MVK: variants seen among roughly 807,000 people sequenced by gnomAD.
The protein encoded by MVK is mevalonate kinase, also known as LH receptor mRNA-binding protein.
Under a neutral mutation model 43.2 loss-of-function variants are expected in MVK, and 34 were observed. The observed-to-expected ratio is 0.79, with a 90% CI of 0.60 to 1.05. The LOEUF is 1.05. MVK is among the 50% of genes least tolerant of loss of function. MVK has a pLI of 0.00. For missense variants in MVK, 395 were observed against 504.0 expected, an observed-to-expected ratio of 0.78 and a Z score of 2.07; for synonymous variants, 190 against 219.8, an observed-to-expected ratio of 0.86 and a Z score of 1.20.
rs146379014 is a variant in MVK at position 109,596,948 on chromosome 12, G to A, written c.*371G>A. On this transcript the variant is annotated 3_prime_UTR_variant, in exon 11 of 11. Coordinates refer to ENST00000228510, the MANE Select transcript of MVK (RefSeq NM_000431.4). ...GCTCAGGTGCTGGGGCCTGGTTCCC[G>A]GAGAAGTGTGCCTTCTCTCTCCCTT... 9.8e-5 allele frequency: 33 copies of A among 338,032 alleles called. No homozygotes were observed. Among genetic ancestry groups the A allele is most frequent in the South Asian group, 7.3e-4 (27 of 36,844 alleles). 20.9% of individuals were successfully genotyped at this position (338,032 alleles called of 1,614,324 possible).
At chr12:109,586,890 G>A in intron 7 of MVK, 91 bp downstream of exon 7, 1 of 1,507,248 alleles carries the variant, frequency 6.6e-7, no homozygotes, top group Non-Finnish European at 9.2e-7. Flanking sequence ...TACCATAGGA[G>A]GCAGGTGTCC....
chr12:109,590,379 C>T, intron 7 of MVK: 2 of 337,756 alleles, frequency 5.9e-6, no homozygotes, highest in Non-Finnish European at 1.2e-5. Flanking sequence ...CAGAAATCCT[C>T]ACCCTTCTAG....
intron 3 of MVK, among the ~76,000 whole-genome samples, chr12:109,576,506 G>A (rs1884962946): frequency 1.3e-5 from 2 of 151,732 alleles, no homozygotes; most frequent in African/African-American, 4.8e-5. Flanking sequence ...AGAGACCTAG[G>A]GCCAGAGAGT....
intron 3 of MVK, chr12:109,579,165 G>A (rs72646999): frequency 5.0e-6 from 2 of 402,940 alleles, no homozygotes; most frequent in Non-Finnish European, 9.7e-6. Flanking sequence ...TTTGAGACAG[G>A]GTCTCACTCT....
rs775827537 is a variant in MVK at position 109,595,743 on chromosome 12, C to T, written c.1039+562C>T. On this transcript the variant is annotated intron_variant, in intron 10 of 10. Coordinates refer to ENST00000228510, the MANE Select transcript of MVK (RefSeq NM_000431.4). The surrounding 1 kb of genome is among the most constrained non-coding windows in gnomAD (Gnocchi z 5.9). Reference sequence around the variant, plus strand: ...CTCCTGGCCTACAGTAGGCACTAACCGGTCCCACCTGCCTCCATTTCCCTC... The same window carrying T: ...CTCCTGGCCTACAGTAGGCACTAACTGGTCCCACCTGCCTCCATTTCCCTC... Among the ~76,000 whole-genome samples, 43 of 152,168 alleles carry T rather than the reference C, an allele frequency of 2.8e-4. No individual in the cohort carries two copies. The highest frequency in any genetic ancestry group is 1.2e-4 in the Non-Finnish European group (8 of 68,022).
intron 3 of MVK, among the ~76,000 whole-genome samples, chr12:109,578,900 T>C (rs968963719): frequency 9.8e-5 from 15 of 152,312 alleles, no homozygotes; most frequent in Non-Finnish European, 1.8e-4. Flanking sequence ...CAGGTTCCTG[T>C]ACATCCCTGG....
At chr12:109,579,487 A>G (rs982847960) in intron 3 of MVK, among the ~76,000 whole-genome samples, 2 of 152,208 alleles carry the variant, frequency 1.3e-5, no homozygotes, top group African/African-American at 4.8e-5. Context: ...GTGCTGTGCT[A>G]AAAAGTTTAC....
intron 4 of MVK, 142 bp downstream of exon 4, chr12:109,580,088 C>G: frequency 2.4e-6 from 3 of 1,255,158 alleles, no homozygotes; most frequent in Non-Finnish European, 2.3e-6. Flanking sequence ...TGCCAGGCAC[C>G]CTGCCAGGCA....
chr12:109,591,378 AC>A, intron 9 of MVK, 21 bp downstream of exon 9: 1 of 1,607,086 alleles, frequency 6.2e-7, no homozygotes, highest in Non-Finnish European at 8.5e-7. Flanking sequence ...GTCTGCAGGA[AC>A]CGGGGTTACT....
rs1274060492 is a variant in MVK, at chr12:109,579,848, A to G, written c.273A>G (p.Leu91=). The G allele has an allele frequency of 1.9e-6, 3 of 1,614,112 alleles. No homozygotes were observed. Among genetic ancestry groups the G allele is most frequent in the East Asian group, 4.5e-5 (2 of 44,896 alleles). ...TTPTSEQVEK[L]KEVAGLPDDC... is the part of the protein sequence containing the mutation. ...CCACCTCAGAGCAAGTGGAGAAGCT[A>G]AAGGAGGTTGCAGGCTTGCCTGACG... Residue 91 remains leucine (L), a synonymous_variant, in exon 4 of 11, where the codon CTA becomes CTG. Transcript: ENST00000228510.
At chr12:109,586,897 G>T in intron 7 of MVK, 98 bp downstream of exon 7, 1 of 1,446,118 alleles carries the variant, frequency 6.9e-7, no homozygotes, top group Non-Finnish European at 9.6e-7. Flanking sequence ...GGAGGCAGGT[G>T]TCCCTGGCTC....
At chr12:109,573,441 T>G (rs1884743079), upstream of MVK, 1 of 1,606,520 alleles carries the variant, frequency 6.2e-7, no homozygotes, top group African/African-American at 1.3e-5. Context: ...CCAAGACGGC[T>G]CCCCAGGCCA....
upstream of MVK, chr12:109,573,359 T>C: frequency 6.2e-7 from 1 of 1,613,292 alleles, no homozygotes; most frequent in Admixed American, 1.7e-5. Flanking sequence ...GTCCCCGTCT[T>C]CCACGCCCTG....
chr12:109,576,379 G>A (rs1884957440), intron 3 of MVK, among the ~76,000 whole-genome samples: 1 of 151,816 alleles, frequency 6.6e-6, no homozygotes, highest in South Asian at 2.1e-4. Context: ...CTATTGTTGA[G>A]TGAAAAAAAT....
At chr12:109,573,307 A>C (rs1884728421), upstream of MVK, 2 of 1,611,614 alleles carry the variant, frequency 1.2e-6, no homozygotes, top group Non-Finnish European at 1.7e-6. Flanking sequence ...ACCACGATTC[A>C]CGGCAGGTGT....
intron 5 of MVK, among the ~76,000 whole-genome samples, chr12:109,584,535 A>T (rs1352650490): frequency 6.6e-6 from 1 of 152,198 alleles, no homozygotes. Context: ...AACAGGGTTT[A>T]AGGTGAAGCA....
chr12:109,585,639 T>G (rs1430417434), intron 5 of MVK, among the ~76,000 whole-genome samples: 1 of 152,042 alleles, frequency 6.6e-6, no homozygotes. Context: ...CGTGCTGGTG[T>G]GCACCTGTTG....
chr12:109,596,420 C>G lies in MVK; in HGVS notation c.1040-6C>G, dbSNP rs992363930. 3.1e-6 allele frequency: 5 copies of G among 1,612,850 alleles called. No individual in the cohort carries two copies. In the African/African-American group the frequency reaches 6.7e-5, roughly 22 times the overall value. On this transcript the variant is annotated splice_region_variant and splice_polypyrimidine_tract_variant and intron_variant, in intron 10 of 10. Transcript: ENST00000228510. ...GTCAAGGGTGACCTGCCTTCCCTCC[C>G]CGCAGGGCTGGAGCAGCCAGAAGTG...
At chr12:109,586,651 GA>G in intron 6 of MVK, 102 bp from the exon 7 acceptor site, 2 of 1,336,502 alleles carry the variant, frequency 1.5e-6, no homozygotes. Flanking sequence ...CCTCTTTCCT[GA>G]ATGGGGCAAA....
Sources: gnomAD v4.1 joint callset for allele counts (sites outside exome capture counted in the v4.1 genomes callset) on GRCh38, gnomAD v4.1.1 for gene constraint, Gnocchi (gnomAD v3.1) non-coding constraint, MANE v1.5 for transcripts, NCBI Gene and HGNC (gene_info 2026-07-23, HGNC 2026-07-21) for gene names.